Variants in BBS12 observed in about 807,000 individuals in gnomAD.
BBS12 encodes the protein Bardet-Biedl syndrome 12.
Under a neutral mutation model 5.6 loss-of-function variants are expected in BBS12, and 5 were observed. The ratio of observed to expected loss-of-function variants is 0.89; its 90% CI spans 0.46 to 1.86. The LOEUF (loss-of-function observed/expected upper bound fraction) is 1.86, where lower values mean the gene tolerates loss of function less well. Among genes scored for constraint, BBS12 ranks in the 40% most tolerant of loss-of-function variants. The pLI, the probability that BBS12 is intolerant of heterozygous loss-of-function variation, is 0.01. For missense variants in BBS12, 748 were observed against 830.4 expected (o/e 0.90, Z 1.22); for synonymous variants, 308 against 306.8 (o/e 1.00, Z -0.04).
the BBS12 span, among the ~76,000 whole-genome samples, chr4:122,708,594 A>C: frequency 6.6e-6 from 1 of 152,134 alleles, no homozygotes; most frequent in African/African-American, 2.4e-5. Flanking sequence ...TCATAGTAAA[A>C]TTTTTTTAAA....
At chr4:122,707,982 T>C in the BBS12 span, among the ~76,000 whole-genome samples, 6 of 150,638 alleles carry the variant, frequency 4.0e-5, no homozygotes, top group African/African-American at 1.5e-4. Flanking sequence ...CCTTTCTTTC[T>C]TTCTTTTCTC....
the BBS12 span, among the ~76,000 whole-genome samples, chr4:122,716,627 A>T: frequency 9.9e-6 from 1 of 101,142 alleles, no homozygotes. Context: ...ATGCACATAC[A>T]CATATGTATA....
At chr4:122,735,089 C>T (rs1261017610) in intron 1 of BBS12, among the ~76,000 whole-genome samples, 2 of 152,066 alleles carry the variant, frequency 1.3e-5, no homozygotes, top group Non-Finnish European at 2.9e-5. Flanking sequence ...GTTTTTAATA[C>T]AGGGTATTTT....
At chr4:122,717,229 A>G in the BBS12 span, among the ~76,000 whole-genome samples, 516 of 152,344 alleles carry the variant, frequency 3.4e-3, 2 homozygotes, top group African/African-American at 0.012. Flanking sequence ...GAAAACAAGA[A>G]AAAACTATGA....
chr4:122,739,714 A>C (rs967580596), intron 1 of BBS12, among the ~76,000 whole-genome samples: 4 of 152,256 alleles, frequency 2.6e-5, no homozygotes, highest in Admixed American at 1.3e-4. Flanking sequence ...AGTTAGGGGT[A>C]GCTCCTCATT....
At chr4:122,702,846 G>C in the BBS12 span, among the ~76,000 whole-genome samples, 107,706 of 152,106 alleles carry the variant, frequency 0.71, 40,227 homozygotes, top group East Asian at 0.95. Flanking sequence ...CAGATCTTTT[G>C]AGGCAGAACT....
chr4:122,730,866 C>G (rs540935129), upstream of BBS12: 33 of 152,280 alleles, frequency 2.2e-4, no homozygotes, highest in Non-Finnish European at 4.1e-4. Flanking sequence ...TAGCAAACCT[C>G]TTGATACCGG....
chr4:122,704,544 A>G, the BBS12 span, among the ~76,000 whole-genome samples: 1 of 152,110 alleles, frequency 6.6e-6, no homozygotes, highest in Non-Finnish European at 1.5e-5. Context: ...CTCCCATAAA[A>G]ACCCTCTTGC....
rs773214415 is a variant in BBS12, at chr4:122,743,194, C to G, written c.1302C>G (p.Ile434Met). 1 of 1,614,166 alleles carries G rather than the reference C, an allele frequency of 6.2e-7. No individual in the cohort carries two copies. The part of the protein sequence containing the change: ...EKCINSKRLV[I>M]GSVNGSVMQA... The stretch of plus-strand genomic sequence containing the variant: ...GTATAAACAGTAAGCGGTTGGTAAT[C>G]GGCTCAGTGAATGGCAGTGTGATGC... The change falls in exon 2 of 2, where the codon ATC becomes ATG. Residue 434 changes from isoleucine (I) to methionine (M), a missense_variant. Ile to Met is a conservative substitution (Grantham distance 10, BLOSUM62 1). Transcript: ENST00000314218.
Position 122,742,943 on chromosome 4 carries a change from A to C in BBS12, c.1051A>C (p.Asn351His). 1 of 1,614,212 alleles carries C rather than the reference A, an allele frequency of 6.2e-7. No homozygotes were observed. Among genetic ancestry groups the C allele is most frequent in the Admixed American group, 1.7e-5 (1 of 60,024 alleles). Residue 351 changes from asparagine to histidine, a missense_variant, in exon 2 of 2, where the codon AAT (asparagine) becomes CAT (histidine). Physicochemically the swap from Asn to His is moderately conservative, Grantham distance 68. Transcript: ENST00000314218. Reference sequence around the variant, plus strand: ...TAATCCTGTGATCAAGGAATTGCAGAATCAGCCTGTGCGAATAGTTCTCAT... The same window carrying C: ...TAATCCTGTGATCAAGGAATTGCAGCATCAGCCTGTGCGAATAGTTCTCAT... Reference protein sequence around the residue: ...SNNPVIKELQNQPVRIVLIEG... With the variant: ...SNNPVIKELQHQPVRIVLIEG...
the BBS12 span, among the ~76,000 whole-genome samples, chr4:122,702,580 A>C: frequency 6.6e-6 from 1 of 152,228 alleles, no homozygotes; most frequent in East Asian, 1.9e-4. Flanking sequence ...AGGCACATGC[A>C]TTGCAGGCTA....
chr4:122,707,752 T>G, the BBS12 span, among the ~76,000 whole-genome samples: 1 of 152,112 alleles, frequency 6.6e-6, no homozygotes, highest in Non-Finnish European at 1.5e-5. Flanking sequence ...GAAGGCCGAC[T>G]TCTCCTGTGT....
chr4:122,743,488 G>C lies in BBS12; in HGVS notation c.1596G>C (p.Glu532Asp), dbSNP rs1477880509. ...CAYRLYYALKEEKVFLGGGAV... is the reference protein window; with the variant it reads ...CAYRLYYALKDEKVFLGGGAV... ...ATCGTTTGTATTATGCTCTAAAAGA[G>C]GAAAAGGTCTTCCTTGGAGGTGGTG... Residue 532 changes from glutamate to aspartate, a missense_variant, in exon 2 of 2, where the codon GAG (glutamate) becomes GAC (aspartate). By Grantham distance (45) the Glu-to-Asp change is conservative. Transcript: ENST00000314218. The C allele has an allele frequency of 6.2e-7, 1 of 1,614,102 alleles. No homozygotes were observed. Among genetic ancestry groups the C allele is most frequent in the Non-Finnish European group, 8.5e-7 (1 of 1,180,048 alleles).
At chr4:122,718,523 G>A in the BBS12 span, among the ~76,000 whole-genome samples, 2 of 152,130 alleles carry the variant, frequency 1.3e-5, no homozygotes, top group East Asian at 3.9e-4. Flanking sequence ...TACTTGAGAG[G>A]AGAAGCACAG....
At chr4:122,734,913 A>G (rs775613673) in intron 1 of BBS12, among the ~76,000 whole-genome samples, 2 of 152,176 alleles carry the variant, frequency 1.3e-5, no homozygotes, top group African/African-American at 4.8e-5. Flanking sequence ...AAAACATTAA[A>G]CACATAGGCA....
chr4:122,727,283 C>G, the BBS12 span, among the ~76,000 whole-genome samples: 3 of 152,104 alleles, frequency 2.0e-5, no homozygotes, highest in African/African-American at 7.2e-5. Context: ...CTCGCTCTGT[C>G]ACCCAGGCTG....
chr4:122,740,644 C>G (rs1252020082), intron 1 of BBS12, among the ~76,000 whole-genome samples: 1 of 152,142 alleles, frequency 6.6e-6, no homozygotes, highest in African/African-American at 2.4e-5. Flanking sequence ...GAAATACTCA[C>G]TAAATGCATG....
the BBS12 span, among the ~76,000 whole-genome samples, chr4:122,710,142 C>G: frequency 6.6e-6 from 1 of 152,118 alleles, no homozygotes; most frequent in African/African-American, 2.4e-5. Flanking sequence ...TGTATACTGC[C>G]TAACTGCGGC....
At chr4:122,730,029 A>C (rs1292639737), upstream of BBS12, 2 of 152,238 alleles carry the variant, frequency 1.3e-5, no homozygotes, top group African/African-American at 2.4e-5. Flanking sequence ...CTCACTATAG[A>C]GTCAAACTTA....
Sources: gnomAD v4.1 joint callset for allele counts (sites outside exome capture counted in the v4.1 genomes callset) on GRCh38, gnomAD v4.1.1 for gene constraint, MANE v1.5 for transcripts, NCBI Gene and HGNC (gene_info 2026-07-23, HGNC 2026-07-21) for gene names.